ASTN2: variants seen among roughly 807,000 people sequenced by gnomAD.
The protein encoded by ASTN2 is astrotactin 2.
In ASTN2, 54 loss-of-function variants were observed where a neutral mutation model predicts 139.8. That is an observed-to-expected ratio of 0.39 (90% CI 0.31 to 0.48). The LOEUF is 0.48. ASTN2 is among the 20% of genes least tolerant of loss of function. The probability of loss-of-function intolerance (pLI) is 0.95; values close to 1 mark genes in which losing one functional copy is unlikely to be tolerated. For synonymous variants in ASTN2, 756 were observed against 719.5 expected (o/e 1.05, Z -0.81); for missense variants, 1,565 against 1,725.1 (o/e 0.91, Z 1.64).
intron 2 of ASTN2, among the ~76,000 whole-genome samples, chr9:117,247,108 AT>A (rs1358499586): frequency 6.6e-6 from 1 of 152,224 alleles, no homozygotes; most frequent in Non-Finnish European, 1.5e-5. Context: ...AGTGGAGTCT[AT>A]CCAGAATTTT....
chr9:116,595,515 C>G (rs1054928976), intron 19 of ASTN2, among the ~76,000 whole-genome samples: 3 of 152,044 alleles, frequency 2.0e-5, no homozygotes, highest in Non-Finnish European at 4.4e-5. Flanking sequence ...TCAGTAGAGA[C>G]GGGGTTTCAC....
chr9:116,481,693 T>C (rs1292858772), intron 20 of ASTN2, among the ~76,000 whole-genome samples: 1 of 152,228 alleles, frequency 6.6e-6, no homozygotes, highest in African/African-American at 2.4e-5. Flanking sequence ...CTCCATTTTA[T>C]GGATAAGACT....
At chr9:116,756,819 C>T (rs1032453906) in intron 13 of ASTN2, among the ~76,000 whole-genome samples, 3 of 149,558 alleles carry the variant, frequency 2.0e-5, no homozygotes, top group Admixed American at 6.7e-5. Flanking sequence ...ACTTGGTCAT[C>T]GGTGACTTCA....
At chr9:117,292,054 C>T (rs1834607703) in intron 1 of ASTN2, among the ~76,000 whole-genome samples, 1 of 152,080 alleles carries the variant, frequency 6.6e-6, no homozygotes, top group Non-Finnish European at 1.5e-5. Context: ...TGAGCGTGTT[C>T]CTCTTGCTTC....
chr9:116,879,682 G>A (rs1833402857), intron 10 of ASTN2, among the ~76,000 whole-genome samples: 3 of 152,124 alleles, frequency 2.0e-5, no homozygotes, highest in Admixed American at 6.5e-5. Flanking sequence ...AATTTGTTTC[G>A]GACAAATGAA....
chr9:116,884,422 G>A (rs933875608), intron 10 of ASTN2, among the ~76,000 whole-genome samples: 14 of 152,126 alleles, frequency 9.2e-5, no homozygotes, highest in African/African-American at 3.4e-4. Context: ...AGTAGAGTTG[G>A]CTGTAATCTG....
chr9:117,109,881 G>T (rs1174328200), intron 4 of ASTN2, among the ~76,000 whole-genome samples: 2 of 151,998 alleles, frequency 1.3e-5, no homozygotes, highest in African/African-American at 4.8e-5. Flanking sequence ...GGCCTTTTCT[G>T]TCATCTTTTA....
chr9:117,398,365 C>A (rs1161043238), intron 1 of ASTN2, among the ~76,000 whole-genome samples: 1 of 152,136 alleles, frequency 6.6e-6, no homozygotes, highest in African/African-American at 2.4e-5. Context: ...TGCCATCCTT[C>A]TAAAATGTTT....
chr9:116,990,875 T>C (rs7848841), intron 7 of ASTN2, among the ~76,000 whole-genome samples: 19,554 of 152,176 alleles, frequency 0.13, 2,824 homozygotes, highest in African/African-American at 0.36. Context: ...TTAGGTTCAC[T>C]TCTGGCCATT....
At chr9:117,139,798 G>A (rs1830031096) in intron 4 of ASTN2, among the ~76,000 whole-genome samples, 1 of 152,188 alleles carries the variant, frequency 6.6e-6, no homozygotes, top group Non-Finnish European at 1.5e-5. Context: ...AAGCTGGGAG[G>A]ATTCAGTGAA....
intron 6 of ASTN2, among the ~76,000 whole-genome samples, chr9:117,020,002 CTGTGTGTGTGTGTGTGTGTG>C (rs57575432): frequency 1.4e-5 from 2 of 140,816 alleles, no homozygotes; most frequent in Non-Finnish European, 3.1e-5. Context: ...TTCAGGGTTT[CTGTGTGTGTGTGTGTGTGTG>C]TGTGTGTGTG....
chr9:117,140,349 G>A (rs1830044315), intron 4 of ASTN2, among the ~76,000 whole-genome samples: 1 of 152,052 alleles, frequency 6.6e-6, no homozygotes, highest in African/African-American at 2.4e-5. Context: ...TGGGAAAAGG[G>A]GGATGACCTG....
At chr9:117,050,250 C>G (rs1209706209) in intron 5 of ASTN2, among the ~76,000 whole-genome samples, 3 of 152,068 alleles carry the variant, frequency 2.0e-5, no homozygotes, top group Non-Finnish European at 4.4e-5. Context: ...CGATCAGGAC[C>G]AGTCACCTCC....
chr9:116,443,225 T>C (rs1847891223), intron 20 of ASTN2, among the ~76,000 whole-genome samples: 1 of 152,040 alleles, frequency 6.6e-6, no homozygotes, highest in Non-Finnish European at 1.5e-5. Context: ...AGAACCAGTT[T>C]ATGGAAGGAA....
chr9:116,893,159 T>TCTCACA (rs1006361618), intron 10 of ASTN2, among the ~76,000 whole-genome samples: 4 of 149,232 alleles, frequency 2.7e-5, no homozygotes, highest in African/African-American at 9.9e-5. Flanking sequence ...TAAAGGTGTA[T>TCTCACA]CACACACACA....
chr9:116,582,142 C>T (rs41266671), intron 19 of ASTN2: 1 of 152,336 alleles, frequency 6.6e-6, no homozygotes, highest in Non-Finnish European at 1.5e-5. Context: ...GACTTGGGCT[C>T]AAGGCCCAGC....
intron 6 of ASTN2, among the ~76,000 whole-genome samples, chr9:117,039,049 C>T (rs1465181577): frequency 6.6e-6 from 1 of 152,176 alleles, no homozygotes; most frequent in Non-Finnish European, 1.5e-5. Context: ...TTAGCAAATA[C>T]TCTTTGGGGG....
intron 19 of ASTN2, among the ~76,000 whole-genome samples, chr9:116,537,183 C>A (rs904315462): frequency 6.6e-6 from 1 of 152,196 alleles, no homozygotes; most frequent in Non-Finnish European, 1.5e-5. Flanking sequence ...TCCTGGTGTG[C>A]CGTTTGCTCA....
intron 7 of ASTN2, among the ~76,000 whole-genome samples, chr9:116,986,166 C>G (rs149780083): frequency 2.9e-4 from 38 of 132,690 alleles, no homozygotes; most frequent in Admixed American, 2.6e-3. Context: ...GGCTGCCCCC[C>G]CCCACCCCCC....
Sources: allele counts gnomAD v4.1 joint callset (sites outside exome capture counted in the v4.1 genomes callset), GRCh38; gene constraint gnomAD v4.1.1; transcripts MANE v1.5; gene names NCBI Gene and HGNC (gene_info 2026-07-23, HGNC 2026-07-21).